The following STXBP5L variants were observed in gnomAD, a reference collection of about 807,000 sequenced individuals.
The protein encoded by STXBP5L is syntaxin binding protein 5L.
STXBP5L carries 65 observed loss-of-function variants against 144.5 expected under a neutral mutation model. That is an observed-to-expected ratio of 0.45 (90% CI 0.37 to 0.55). STXBP5L has a LOEUF of 0.55. STXBP5L is among the 20% of genes least tolerant of loss of function. The probability of loss-of-function intolerance (pLI) is 0.00; values close to 1 mark genes in which losing one functional copy is unlikely to be tolerated. For synonymous variants in STXBP5L, 505 were observed against 469.6 expected, an observed-to-expected ratio of 1.08 and a Z score of -0.97; for missense variants, 1,298 against 1,405.5, an observed-to-expected ratio of 0.92 and a Z score of 1.22.
At chr3:120,939,413 G>A (rs75329683) in intron 2 of STXBP5L, among the ~76,000 whole-genome samples, 18,241 of 152,118 alleles carry the variant, frequency 0.12, 1,154 homozygotes, top group Non-Finnish European at 0.14. Flanking sequence ...AGTAGATTGT[G>A]TATTTAGATT....
chr3:121,326,332 G>C (rs2044147390), intron 20 of STXBP5L, among the ~76,000 whole-genome samples: 1 of 151,908 alleles, frequency 6.6e-6, no homozygotes, highest in African/African-American at 2.4e-5. Context: ...CCATGGCGTG[G>C]TGACCCCAGA....
intron 5 of STXBP5L, among the ~76,000 whole-genome samples, chr3:121,087,365 G>C (rs901254353): frequency 4.0e-5 from 6 of 151,898 alleles, no homozygotes; most frequent in Non-Finnish European, 7.4e-5. Context: ...CAGCCTGTTT[G>C]GTGCATTCAC....
At chr3:120,940,031 T>C (rs1288888103) in intron 2 of STXBP5L, among the ~76,000 whole-genome samples, 1 of 152,120 alleles carries the variant, frequency 6.6e-6, no homozygotes, top group Non-Finnish European at 1.5e-5. Context: ...TTTCACAAGA[T>C]TTTCATTTTT....
At chr3:120,981,031 C>G (rs1326437369) in intron 3 of STXBP5L, among the ~76,000 whole-genome samples, 2 of 151,996 alleles carry the variant, frequency 1.3e-5, no homozygotes, top group Non-Finnish European at 2.9e-5. Context: ...AAAATAGGAA[C>G]CCAGCATCTT....
At chr3:121,202,476 C>G (rs769799548) in intron 9 of STXBP5L, among the ~76,000 whole-genome samples, 2 of 152,100 alleles carry the variant, frequency 1.3e-5, no homozygotes, top group Non-Finnish European at 2.9e-5. Context: ...TAATTATCTA[C>G]CTAGTTACCT....
In STXBP5L at chr3:121,089,092, T is replaced by TAAAA. The variant is rs375977537; in HGVS notation, c.471-25810_471-25807dup. ...ATGTACCCTAAAACTTAGAGTATAA[T>TAAAA]AAAAAAAAAAAAAAAAAAAAAAAAA... is the stretch of plus-strand genomic sequence containing the variant. On this transcript the variant is annotated intron_variant, in intron 5 of 26. Transcript: ENST00000471454. Among the ~76,000 whole-genome samples the TAAAA allele has an allele frequency of 6.6e-4, 37 of 56,148 alleles. 2 individuals carry two copies. The highest frequency in any genetic ancestry group is 6.1e-3 in the East Asian group (9 of 1,470). 36.8% of individuals were successfully genotyped at this position (56,148 alleles called of 152,430 possible).
chr3:121,017,229 A>G (rs933687545), intron 3 of STXBP5L, among the ~76,000 whole-genome samples: 1 of 152,198 alleles, frequency 6.6e-6, no homozygotes, highest in African/African-American at 2.4e-5. Context: ...TGCATTTGAC[A>G]AAATCTCACA....
chr3:121,003,684 A>G (rs1000644120), intron 3 of STXBP5L, among the ~76,000 whole-genome samples: 2 of 152,182 alleles, frequency 1.3e-5, no homozygotes, highest in Non-Finnish European at 2.9e-5. Flanking sequence ...TTATGGTTTC[A>G]GGTCTAACAT....
intron 5 of STXBP5L, among the ~76,000 whole-genome samples, chr3:121,074,572 G>C (rs200793921): frequency 6.6e-6 from 1 of 151,498 alleles, no homozygotes; most frequent in Admixed American, 6.6e-5. Flanking sequence ...TTTATGGCTA[G>C]CCTGGGGGAC....
chr3:120,946,444 AT>A (rs1222521320), intron 2 of STXBP5L, among the ~76,000 whole-genome samples: 1 of 151,744 alleles, frequency 6.6e-6, no homozygotes, highest in Non-Finnish European at 1.5e-5. Context: ...TTAAGAATAT[AT>A]TATATATAAT....
chr3:121,380,048 A>G (rs2046288180), intron 21 of STXBP5L, among the ~76,000 whole-genome samples: 1 of 152,072 alleles, frequency 6.6e-6, no homozygotes, highest in Non-Finnish European at 1.5e-5. Flanking sequence ...TGCCCAGGGT[A>G]GTCTTGAACT....
intron 20 of STXBP5L, among the ~76,000 whole-genome samples, chr3:121,370,186 T>C (rs940510817): frequency 9.2e-5 from 14 of 152,052 alleles, no homozygotes; most frequent in Non-Finnish European, 1.5e-5. Context: ...GCCAACATGG[T>C]GAAACCCGTC....
rs974525739 is a variant in STXBP5L at position 121,190,585 on chromosome 3, G to T, written c.878-15338G>T. On this transcript the variant is annotated intron_variant, in intron 9 of 26. Coordinates refer to ENST00000471454, the MANE Select transcript of STXBP5L (RefSeq NM_001308330.2). ...GCTGTTGGGTACACCTCCCAGATGGGGTGGCGGCCGGGCACAGGGGCTCCT... is the reference window on the plus strand; with the variant it reads ...GCTGTTGGGTACACCTCCCAGATGGTGTGGCGGCCGGGCACAGGGGCTCCT... 2.0e-5 allele frequency among the ~76,000 whole-genome samples: 3 copies of T among 152,314 alleles called. No individual in the cohort carries two copies. In the South Asian group the frequency reaches 6.2e-4, roughly 32 times the overall value.
At chr3:121,145,267 A>G (rs949513047) in intron 7 of STXBP5L, among the ~76,000 whole-genome samples, 2 of 151,876 alleles carry the variant, frequency 1.3e-5, no homozygotes, top group Non-Finnish European at 2.9e-5. Context: ...AATTATGACT[A>G]GTGGTGTTTT....
At chr3:121,328,204 T>C (rs1042387521) in intron 20 of STXBP5L, among the ~76,000 whole-genome samples, 1 of 152,204 alleles carries the variant, frequency 6.6e-6, no homozygotes, top group Non-Finnish European at 1.5e-5. Context: ...TGACAATCTT[T>C]TCTTGCCAAT....
At chr3:121,177,386 G>A (rs1310382210) in intron 9 of STXBP5L, among the ~76,000 whole-genome samples, 1 of 152,040 alleles carries the variant, frequency 6.6e-6, no homozygotes, top group Non-Finnish European at 1.5e-5. Context: ...TCCAGAAAAT[G>A]TAAAGAATTC....
intron 2 of STXBP5L, among the ~76,000 whole-genome samples, chr3:120,921,633 T>C (rs1042792139): frequency 2.0e-5 from 3 of 152,008 alleles, no homozygotes; most frequent in African/African-American, 7.2e-5. Flanking sequence ...CTTTAATCAA[T>C]TTTGATTTGG....
chr3:121,400,888 T>G (rs1480291881), intron 22 of STXBP5L, among the ~76,000 whole-genome samples: 4 of 152,150 alleles, frequency 2.6e-5, no homozygotes, highest in African/African-American at 9.7e-5. Context: ...TATAGAATAT[T>G]ATGAATAATA....
intron 20 of STXBP5L, among the ~76,000 whole-genome samples, chr3:121,319,947 G>T (rs935422736): frequency 1.3e-5 from 2 of 151,972 alleles, no homozygotes; most frequent in African/African-American, 4.8e-5. Flanking sequence ...GTGAGACCCT[G>T]TCTCATTAAA....
Sources: allele counts gnomAD v4.1 joint callset (sites outside exome capture counted in the v4.1 genomes callset), GRCh38; gene constraint gnomAD v4.1.1; transcripts MANE v1.5; gene names NCBI Gene and HGNC (gene_info 2026-07-23, HGNC 2026-07-21).